The following NHSL2 variants were observed in gnomAD, a reference collection of about 807,000 sequenced individuals.
The protein encoded by NHSL2 is NHS like 2.
A neutral mutation model predicts 53.4 loss-of-function variants in NHSL2; 27 were observed. The ratio of observed to expected loss-of-function variants is 0.51; its 90% CI spans 0.37 to 0.70. The LOEUF (loss-of-function observed/expected upper bound fraction) is 0.70, where lower values mean the gene tolerates loss of function less well. NHSL2 is among the 30% of genes least tolerant of loss of function. The probability of loss-of-function intolerance (pLI) is 0.00; values close to 1 mark genes in which losing one functional copy is unlikely to be tolerated. For synonymous variants in NHSL2, 408 were observed against 404.1 expected, an observed-to-expected ratio of 1.01 and a Z score of -0.12; for missense variants, 892 against 980.1, an observed-to-expected ratio of 0.91 and a Z score of 1.20.
At chrX:71,927,887 A>G (rs1437562812) in intron 1 of NHSL2, among the ~76,000 whole-genome samples, 1 of 111,868 alleles carries the variant, frequency 8.9e-6, no homozygotes, top group Non-Finnish European at 1.9e-5. Context: ...ATGACCCTGG[A>G]CAAGTAGCCT....
At position 72,139,137 on chromosome X, in the gene NHSL2, G is replaced by T; in HGVS notation, c.1589G>T (p.Ser530Ile). The change falls in exon 6 of 8, where the codon AGC (serine) becomes ATC (isoleucine). Residue 530 changes from serine (S) to isoleucine (I), a missense_variant. Coordinates refer to ENST00000633930, the MANE Select transcript of NHSL2 (RefSeq NM_001013627.3). ...EACALPFAST[S>I]SEGSNSADNI... ...TGTGCCCTGCCTTTTGCCAGTACGAGCTCTGAGGGCAGTAACAGTGCTGAC... is the reference window on the plus strand; with the variant it reads ...TGTGCCCTGCCTTTTGCCAGTACGATCTCTGAGGGCAGTAACAGTGCTGAC... The T allele has an allele frequency of 8.5e-7, 1 of 1,172,626 alleles. No individual in the cohort carries two copies. Among genetic ancestry groups the T allele is most frequent in the Non-Finnish European group, 1.1e-6 (1 of 875,303 alleles).
intron 1 of NHSL2, among the ~76,000 whole-genome samples, chrX:72,087,827 G>A (rs751374686): frequency 2.9e-4 from 32 of 111,398 alleles, no homozygotes; most frequent in Non-Finnish European, 5.5e-4. Context: ...AGCCAAGATC[G>A]CGCCATTGAA....
intron 1 of NHSL2, among the ~76,000 whole-genome samples, chrX:71,994,292 C>T (rs2042039966): frequency 1.7e-5 from 1 of 57,215 alleles, no homozygotes; most frequent in Admixed American, 2.6e-4. Flanking sequence ...CTGAGGGAGG[C>T]TCCCTCTGTG....
At chrX:72,131,552 CA>C (rs2042300447) in intron 1 of NHSL2, 3 of 1,160,805 alleles carry the variant, frequency 2.6e-6, no homozygotes, top group African/African-American at 3.6e-5. Flanking sequence ...TCGACAAGCC[CA>C]GGGGCCCTGG....
chrX:72,090,772 AGTGTGTGTGTGT>A (rs372070874), intron 1 of NHSL2, among the ~76,000 whole-genome samples: 45 of 94,029 alleles, frequency 4.8e-4, no homozygotes, highest in African/African-American at 1.6e-3. Context: ...AGTGTATGTG[AGTGTGTGTGTGT>A]GTGTGTGTGT....
chrX:72,123,113 G>A (rs1461097479), intron 1 of NHSL2, among the ~76,000 whole-genome samples: 3 of 112,067 alleles, frequency 2.7e-5, no homozygotes, highest in Non-Finnish European at 5.6e-5. Flanking sequence ...TGGAACTGAG[G>A]AGAACATTGC....
chrX:71,959,370 G>T (rs1029307272), intron 1 of NHSL2, among the ~76,000 whole-genome samples: 1 of 112,545 alleles, frequency 8.9e-6, no homozygotes, highest in South Asian at 3.7e-4. Context: ...AACAGTAAGA[G>T]TCTTACTAGT....
intron 1 of NHSL2, among the ~76,000 whole-genome samples, chrX:72,117,792 A>G (rs2042151141): frequency 9.1e-6 from 1 of 110,133 alleles, no homozygotes; most frequent in African/African-American, 3.3e-5. Context: ...GTGACTGGAT[A>G]ATTCCATTGT....
intron 1 of NHSL2, among the ~76,000 whole-genome samples, chrX:72,102,496 G>T (rs2042003372): frequency 8.9e-6 from 1 of 111,757 alleles, no homozygotes; most frequent in Non-Finnish European, 1.9e-5. Context: ...CTGTAAAATG[G>T]GGCTAAAAAT....
rs750531794 is a variant in NHSL2, at chrX:71,911,104, G to T, written c.17G>T (p.Arg6Leu). 301 of 1,045,388 alleles carry T rather than the reference G, an allele frequency of 2.9e-4. No individual in the cohort carries two copies. Among genetic ancestry groups the T allele is most frequent in the Non-Finnish European group, 3.4e-4 (274 of 816,443 alleles). The allele number at this position is 1,045,388 out of a possible 1,213,427, so 86.2% of individuals were successfully genotyped here. A position where few individuals can be genotyped will look rare whatever the true frequency, so the allele number is the denominator to read the frequency against. Reference sequence around the variant, plus strand: ...GCGGCCGGGATGCCGTTCTACAGGCGCACGGTGGTACCCCAGCGCCTGTGC... The same window carrying T: ...GCGGCCGGGATGCCGTTCTACAGGCTCACGGTGGTACCCCAGCGCCTGTGC... MPFYRRTVVPQRLCPR... is the reference protein window; with the variant it reads MPFYRLTVVPQRLCPR... Residue 6 changes from arginine to leucine, a missense_variant, in exon 1 of 8, where the codon CGC becomes CTC. Physicochemically the swap from Arg to Leu is moderately radical, Grantham distance 102. Coordinates refer to ENST00000633930, the MANE Select transcript of NHSL2 (RefSeq NM_001013627.3).
At chrX:71,967,999 T>C (rs1470389846) in intron 1 of NHSL2, among the ~76,000 whole-genome samples, 5 of 108,628 alleles carry the variant, frequency 4.6e-5, no homozygotes, top group Non-Finnish European at 9.6e-5. Context: ...AGTCAATCTT[T>C]TTTTTTTTTT....
intron 1 of NHSL2, among the ~76,000 whole-genome samples, chrX:71,917,175 A>T (rs1737656907): frequency 9.0e-6 from 1 of 111,522 alleles, no homozygotes; most frequent in Non-Finnish European, 1.9e-5. Context: ...GAGGTCATGC[A>T]CAAGACCACT....
At chrX:71,996,031 T>C (rs1236599107) in intron 1 of NHSL2, among the ~76,000 whole-genome samples, 1 of 112,397 alleles carries the variant, frequency 8.9e-6, no homozygotes, top group African/African-American at 3.2e-5. Context: ...CACTGGACTG[T>C]AGGAGTTAGC....
At chrX:72,052,671 G>A (rs1159015886) in intron 1 of NHSL2, among the ~76,000 whole-genome samples, 3 of 111,598 alleles carry the variant, frequency 2.7e-5, no homozygotes, top group Non-Finnish European at 3.8e-5. Flanking sequence ...CGACACTCTC[G>A]CCTGGTCTAT....
At chrX:72,093,778 C>CT (rs756134084) in intron 1 of NHSL2, among the ~76,000 whole-genome samples, 3 of 98,777 alleles carry the variant, frequency 3.0e-5, no homozygotes, top group African/African-American at 7.4e-5. Flanking sequence ...TTCTTTCTTT[C>CT]TTTTCCTTTC....
intron 3 of NHSL2, 94 bp from the exon 4 acceptor site, chrX:72,134,415 A>C: frequency 1.2e-6 from 1 of 866,065 alleles, no homozygotes; most frequent in Non-Finnish European, 1.6e-6. Flanking sequence ...TCCCAGACGA[A>C]GCCTCCAACT....
chrX:72,099,418 T>G (rs1214701357), intron 1 of NHSL2, among the ~76,000 whole-genome samples: 1 of 99,312 alleles, frequency 1.0e-5, no homozygotes, highest in Non-Finnish European at 2.0e-5. Flanking sequence ...CAGGCTGGAG[T>G]GCAGTGGTGC....
chrX:72,134,313 C>T (rs1345732218), intron 3 of NHSL2, 95 bp downstream of exon 3: 4 of 973,243 alleles, frequency 4.1e-6, no homozygotes, highest in Admixed American at 3.0e-5. Flanking sequence ...GCTGCTCAGC[C>T]CTGCTCACCA....
chrX:72,109,540 G>T (rs923655442), intron 1 of NHSL2, among the ~76,000 whole-genome samples: 3 of 111,944 alleles, frequency 2.7e-5, no homozygotes, highest in Non-Finnish European at 5.6e-5. Context: ...CGCGATCTCG[G>T]CTCACTGCAA....
Sources: allele counts gnomAD v4.1 joint callset (sites outside exome capture counted in the v4.1 genomes callset), GRCh38; gene constraint gnomAD v4.1.1; transcripts MANE v1.5; gene names NCBI Gene and HGNC (gene_info 2026-07-23, HGNC 2026-07-21).